Variants in ADGRL3 observed in about 807,000 individuals in gnomAD.
ADGRL3 encodes the protein calcium-independent alpha-latrotoxin receptor 3.
Under a neutral mutation model 153.5 loss-of-function variants are expected in ADGRL3, and 62 were observed. The observed-to-expected ratio is 0.40, with a 90% CI of 0.33 to 0.50. The LOEUF is 0.50. Ranked by LOEUF, ADGRL3 falls within the 20% of genes least tolerant of loss-of-function variation. The pLI is 0.47. For synonymous variants in ADGRL3, 710 were observed against 672.5 expected (o/e 1.06, Z -0.86); for missense variants, 1,641 against 1,859.4 (o/e 0.88, Z 2.16).
At chr4:61,681,127 C>T (rs1349115865) in intron 6 of ADGRL3, among the ~76,000 whole-genome samples, 3 of 152,100 alleles carry the variant, frequency 2.0e-5, no homozygotes, top group Non-Finnish European at 2.9e-5. Flanking sequence ...CACCCTACCT[C>T]CTTCCCTTCT....
At chr4:61,668,517 A>G (rs1393685631) in intron 5 of ADGRL3, among the ~76,000 whole-genome samples, 1 of 152,222 alleles carries the variant, frequency 6.6e-6, no homozygotes, top group African/African-American at 2.4e-5. Context: ...CTTTGGTTAT[A>G]TTGTCACTTG....
At chr4:61,240,760 G>T (rs1420914906) in intron 1 of ADGRL3, among the ~76,000 whole-genome samples, 1 of 152,012 alleles carries the variant, frequency 6.6e-6, no homozygotes, top group African/African-American at 2.4e-5. Context: ...CTTGCTACAA[G>T]ATGTAATTTT....
chr4:61,299,363 T>C (rs1239632099), intron 1 of ADGRL3, among the ~76,000 whole-genome samples: 1 of 152,210 alleles, frequency 6.6e-6, no homozygotes, highest in Non-Finnish European at 1.5e-5. Flanking sequence ...TTGATTGTGT[T>C]ATTCCATACT....
rs140376167 is a variant in ADGRL3 at position 62,015,223 on chromosome 4, A to C, written c.3396-13632A>C. On this transcript the variant is annotated intron_variant, in intron 21 of 26. Coordinates refer to ENST00000683033, the MANE Select transcript of ADGRL3 (RefSeq NM_001387552.1). The stretch of plus-strand genomic sequence containing the variant: ...CCACTACATACAGCTATGTATTCTA[A>C]AAAGGTCTGTCATCAAGGTCCCTGG... Among the ~76,000 whole-genome samples the C allele has an allele frequency of 3.3e-5, 5 of 152,248 alleles. No individual in the cohort carries two copies. In the East Asian group the frequency reaches 9.7e-4, roughly 29 times the overall value.
intron 9 of ADGRL3, among the ~76,000 whole-genome samples, chr4:61,869,661 T>G (rs2098424681): frequency 6.6e-6 from 1 of 151,304 alleles, no homozygotes; most frequent in Admixed American, 6.6e-5. Context: ...GCTCACACTT[T>G]GGGATTCCAA....
In ADGRL3 at chr4:61,935,879, G is replaced by A. The variant is rs184856999; in HGVS notation, c.2297-44G>A. 48 of 1,537,532 alleles carry A rather than the reference G, an allele frequency of 3.1e-5. No individual in the cohort carries two copies. The Admixed American group carries it at 4.6e-4, about 15-fold the overall frequency. ...TGGTTTAGGAAATTATTGTAGCTTA[G>A]GTATGTTTCTCAATGAGCACTGATA... On this transcript the variant is annotated intron_variant, in intron 14 of 26. Coordinates refer to ENST00000683033, the MANE Select transcript of ADGRL3 (RefSeq NM_001387552.1).
chr4:61,515,400 CTA>C (rs1267780450), intron 3 of ADGRL3, among the ~76,000 whole-genome samples: 2 of 151,684 alleles, frequency 1.3e-5, no homozygotes, highest in Non-Finnish European at 2.9e-5. Flanking sequence ...ACATAATACT[CTA>C]TTTATTTTTT....
Position 61,587,609 on chromosome 4 carries a change from A to G in ADGRL3, c.473+169A>G, listed in dbSNP as rs918486302. On this transcript the variant is annotated intron_variant, in intron 5 of 26. Coordinates refer to ENST00000683033, the MANE Select transcript of ADGRL3 (RefSeq NM_001387552.1). The stretch of plus-strand genomic sequence containing the variant: ...TGTATCACCAAAATGCTAATTGCAA[A>G]CAGCATTTGGAAAGTATTACAATTT... Among the ~76,000 whole-genome samples, 5 of 152,100 alleles carry G rather than the reference A, an allele frequency of 3.3e-5. No homozygotes were observed. In the East Asian group the frequency reaches 9.6e-4, roughly 29 times the overall value.
chr4:61,586,911 T>C (rs185622715), intron 4 of ADGRL3, among the ~76,000 whole-genome samples: 61 of 152,170 alleles, frequency 4.0e-4, no homozygotes, highest in African/African-American at 1.4e-3. Flanking sequence ...CTGTATAAAC[T>C]GGATGATATT....
chr4:61,993,162 A>AG (rs2099109204), intron 19 of ADGRL3, among the ~76,000 whole-genome samples: 2 of 58,632 alleles, frequency 3.4e-5, no homozygotes, highest in Non-Finnish European at 6.6e-5. Flanking sequence ...CATGGGCTGC[A>AG]GTTGTGTGTG....
intron 21 of ADGRL3, among the ~76,000 whole-genome samples, chr4:62,010,511 T>C (rs2099180582): frequency 6.6e-6 from 1 of 152,166 alleles, no homozygotes; most frequent in Non-Finnish European, 1.5e-5. Flanking sequence ...ATTTTAAAAA[T>C]ATCTCACCCT....
At chr4:62,027,674 T>C (rs1719533763) in intron 21 of ADGRL3, among the ~76,000 whole-genome samples, 1 of 151,970 alleles carries the variant, frequency 6.6e-6, no homozygotes. Flanking sequence ...GTATTTTCGG[T>C]GTGATTTTAC....
intron 6 of ADGRL3, among the ~76,000 whole-genome samples, chr4:61,692,664 G>A (rs2095562117): frequency 1.3e-5 from 2 of 151,972 alleles, no homozygotes; most frequent in Admixed American, 6.6e-5. Flanking sequence ...GGCTGGTCTC[G>A]AACTCCTGGC....
At chr4:61,768,412 A>AG (rs2097031621) in intron 8 of ADGRL3, among the ~76,000 whole-genome samples, 1 of 151,998 alleles carries the variant, frequency 6.6e-6, no homozygotes, top group Non-Finnish European at 1.5e-5. Context: ...GTCGGTACTG[A>AG]GGGGACAGGA....
intron 4 of ADGRL3, among the ~76,000 whole-genome samples, chr4:61,566,438 G>A (rs935548396): frequency 1.3e-5 from 2 of 152,140 alleles, no homozygotes; most frequent in African/African-American, 4.8e-5. Context: ...TAGAAACTTG[G>A]AGGGAGTGGG....
At chr4:61,565,738 A>G (rs1469705751) in intron 4 of ADGRL3, among the ~76,000 whole-genome samples, 1 of 151,950 alleles carries the variant, frequency 6.6e-6, no homozygotes. Flanking sequence ...GGATTTCGCC[A>G]TGTTGGCCAG....
intron 2 of ADGRL3, among the ~76,000 whole-genome samples, chr4:61,412,562 C>T (rs1488908587): frequency 6.6e-6 from 1 of 152,184 alleles, no homozygotes; most frequent in Non-Finnish European, 1.5e-5. Flanking sequence ...TTCTGCCTAC[C>T]ACAACTGGAA....
In ADGRL3 at chr4:61,921,530, C is replaced by T. The variant is rs968224958; in HGVS notation, c.2112+8773C>T. ...GCCTCCCGGGTTCAAGCGCTTCTCTCCCAAGTAGCTGGGATTACAGGCATG... is the reference window on the plus strand; with the variant it reads ...GCCTCCCGGGTTCAAGCGCTTCTCTTCCAAGTAGCTGGGATTACAGGCATG... On this transcript the variant is annotated intron_variant, in intron 13 of 26. Transcript: ENST00000683033. 2.0e-5 allele frequency among the ~76,000 whole-genome samples: 3 copies of T among 152,116 alleles called. No individual in the cohort carries two copies. In the South Asian group the frequency reaches 6.2e-4, roughly 31 times the overall value.
chr4:61,452,022 G>A (rs1008046758), intron 2 of ADGRL3, among the ~76,000 whole-genome samples: 6 of 152,314 alleles, frequency 3.9e-5, no homozygotes, highest in Admixed American at 1.3e-4. Flanking sequence ...GGTTGTGATA[G>A]ATGTTGTATT....
Sources: gnomAD v4.1 joint callset for allele counts (sites outside exome capture counted in the v4.1 genomes callset) on GRCh38, gnomAD v4.1.1 for gene constraint, MANE v1.5 for transcripts, NCBI Gene and HGNC (gene_info 2026-07-23, HGNC 2026-07-21) for gene names.